CARMIL1: variants seen among roughly 807,000 people sequenced by gnomAD.
CARMIL1 encodes the protein F-actin-uncapping protein LRRC16A.
A neutral mutation model predicts 177.1 loss-of-function variants in CARMIL1; 90 were observed. That is an observed-to-expected ratio of 0.51 (90% CI 0.43 to 0.61). The LOEUF (loss-of-function observed/expected upper bound fraction) is 0.61. Ranked by LOEUF, CARMIL1 falls within the 20% of genes least tolerant of loss-of-function variation. The pLI is 0.00. For synonymous variants in CARMIL1, 577 were observed against 606.2 expected, an observed-to-expected ratio of 0.95 and a Z score of 0.71; for missense variants, 1,380 against 1,667.0, an observed-to-expected ratio of 0.83 and a Z score of 3.00.
intron 33 of CARMIL1, among the ~76,000 whole-genome samples, chr6:25,602,648 T>C (rs1261316215): frequency 1.3e-5 from 2 of 152,212 alleles, no homozygotes; most frequent in Non-Finnish European, 2.9e-5. Context: ...ATGGGTCTTC[T>C]GTCAAAATCA....
At chr6:25,562,531 G>GC (rs1323181642) in intron 29 of CARMIL1, among the ~76,000 whole-genome samples, 2 of 152,190 alleles carry the variant, frequency 1.3e-5, no homozygotes, top group African/African-American at 4.8e-5. Flanking sequence ...ACAGGCATGA[G>GC]CCACCGCACC....
At chr6:25,609,694 G>A (rs181358909) in intron 35 of CARMIL1, among the ~76,000 whole-genome samples, 13 of 152,242 alleles carry the variant, frequency 8.5e-5, no homozygotes, top group Non-Finnish European at 1.3e-4. Flanking sequence ...TAAAGGCAGT[G>A]TCTTATAAAT....
intron 8 of CARMIL1, among the ~76,000 whole-genome samples, chr6:25,463,234 T>TC (rs1326427786): frequency 6.6e-6 from 1 of 152,242 alleles, no homozygotes; most frequent in Non-Finnish European, 1.5e-5. Context: ...TATATTTCTT[T>TC]CTTTTTTTAA....
At chr6:25,324,445 A>T (rs967027254) in intron 2 of CARMIL1, among the ~76,000 whole-genome samples, 21 of 152,188 alleles carry the variant, frequency 1.4e-4, no homozygotes, top group African/African-American at 4.6e-4. Flanking sequence ...GATCAGAAGA[A>T]AAAGAGAAGC....
intron 2 of CARMIL1, among the ~76,000 whole-genome samples, chr6:25,296,928 TC>T (rs1195434103): frequency 9.4e-4 from 41 of 43,694 alleles, no homozygotes; most frequent in Admixed American, 2.0e-3. Flanking sequence ...TATCTATCTA[TC>T]TATCTTTAAC....
At chr6:25,297,643 T>G (rs1031325707) in intron 2 of CARMIL1, among the ~76,000 whole-genome samples, 1 of 152,246 alleles carries the variant, frequency 6.6e-6, no homozygotes, top group African/African-American at 2.4e-5. Context: ...ACTTGGAGTT[T>G]CTTAAGCATT....
At chr6:25,475,521 T>C (rs1326301742) in intron 11 of CARMIL1, among the ~76,000 whole-genome samples, 2 of 152,216 alleles carry the variant, frequency 1.3e-5, no homozygotes, top group Admixed American at 1.3e-4. Flanking sequence ...TGAATGTTTG[T>C]AGCAGTATTA....
intron 2 of CARMIL1, among the ~76,000 whole-genome samples, chr6:25,356,527 G>A (rs546509775): frequency 1.2e-4 from 19 of 152,342 alleles, no homozygotes; most frequent in Non-Finnish European, 2.5e-4. Context: ...TGGGTAGGGT[G>A]TAAACCTCAC....
intron 2 of CARMIL1, among the ~76,000 whole-genome samples, chr6:25,401,350 A>G (rs1581813020): frequency 6.6e-6 from 1 of 152,196 alleles, no homozygotes; most frequent in South Asian, 2.1e-4. Flanking sequence ...ATAGATACAC[A>G]TATAAAATGT....
At chr6:25,357,359 A>T (rs953651813) in intron 2 of CARMIL1, among the ~76,000 whole-genome samples, 1 of 152,206 alleles carries the variant, frequency 6.6e-6, no homozygotes, top group African/African-American at 2.4e-5. Context: ...AGATGGGCAG[A>T]TCACTTGAGG....
At chr6:25,400,129 A>G (rs1793766201) in intron 2 of CARMIL1, among the ~76,000 whole-genome samples, 1 of 152,224 alleles carries the variant, frequency 6.6e-6, no homozygotes, top group African/African-American at 2.4e-5. Context: ...TCCATGCAGT[A>G]CATCTGTGCA....
chr6:25,553,580 A>G (rs1284876615), intron 27 of CARMIL1, among the ~76,000 whole-genome samples: 1 of 152,224 alleles, frequency 6.6e-6, no homozygotes, highest in East Asian at 1.9e-4. Flanking sequence ...GTTTTTTAAA[A>G]GGGTGAGTGA....
chr6:25,337,591 T>C (rs1193729255), intron 2 of CARMIL1, among the ~76,000 whole-genome samples: 1 of 152,238 alleles, frequency 6.6e-6, no homozygotes, highest in African/African-American at 2.4e-5. Flanking sequence ...CTGAACTGTA[T>C]GGTGGTGTTC....
chr6:25,332,787 A>G (rs71537537), intron 2 of CARMIL1, among the ~76,000 whole-genome samples: 19,171 of 146,662 alleles, frequency 0.13, 1,300 homozygotes, highest in Middle Eastern at 0.18. Context: ...ACACACACAC[A>G]CACACTTCTT....
chr6:25,557,917 G>A (rs1810773631), intron 29 of CARMIL1, among the ~76,000 whole-genome samples: 1 of 152,130 alleles, frequency 6.6e-6, no homozygotes, highest in South Asian at 2.1e-4. Context: ...AGCAAAGAAA[G>A]CCTAATGTAT....
intron 26 of CARMIL1, among the ~76,000 whole-genome samples, chr6:25,546,945 C>T (rs1441180549): frequency 6.6e-6 from 1 of 151,616 alleles, no homozygotes; most frequent in Non-Finnish European, 1.5e-5. Flanking sequence ...ATCCCAGCTA[C>T]TCAGGAGGCT....
At chr6:25,506,189 T>C (rs1247202861) in intron 17 of CARMIL1, among the ~76,000 whole-genome samples, 3 of 152,222 alleles carry the variant, frequency 2.0e-5, no homozygotes, top group Admixed American at 1.3e-4. Context: ...GAATTGCAAA[T>C]GTTCCACGTG....
At chr6:25,424,765 T>G (rs1796143678) in intron 3 of CARMIL1, among the ~76,000 whole-genome samples, 1 of 152,096 alleles carries the variant, frequency 6.6e-6, no homozygotes. Context: ...GGAGGGGTGG[T>G]GAGGAGCATA....
chr6:25,303,760 C>G (rs989685761), intron 2 of CARMIL1, among the ~76,000 whole-genome samples: 1 of 152,192 alleles, frequency 6.6e-6, no homozygotes. Flanking sequence ...AACACATAAT[C>G]ACCCAACCTA....
Sources: gnomAD v4.1 joint callset for allele counts (sites outside exome capture counted in the v4.1 genomes callset) on GRCh38, gnomAD v4.1.1 for gene constraint, MANE v1.5 for transcripts, NCBI Gene and HGNC (gene_info 2026-07-23, HGNC 2026-07-21) for gene names.